Variants in KCNAB1 observed in about 807,000 individuals in gnomAD.
KCNAB1 encodes potassium voltage-gated channel subfamily A regulatory beta subunit 1.
KCNAB1 carries 35 observed loss-of-function variants against 64.6 expected under a neutral mutation model. The ratio of observed to expected loss-of-function variants is 0.54; its 90% CI spans 0.41 to 0.72. KCNAB1 has a LOEUF of 0.72. Among genes scored for constraint, KCNAB1 ranks in the 30% least tolerant of loss-of-function variants. KCNAB1 has a pLI of 0.00. For missense variants in KCNAB1, 401 were observed against 512.9 expected (o/e 0.78, Z 2.11); for synonymous variants, 177 against 183.8 (o/e 0.96, Z 0.30).
At chr3:156,271,071 T>C (rs1719011450) in intron 1 of KCNAB1, among the ~76,000 whole-genome samples, 1 of 152,226 alleles carries the variant, frequency 6.6e-6, no homozygotes, top group African/African-American at 2.4e-5. Flanking sequence ...GGAGCTCCAT[T>C]ATATGTTATT....
intron 1 of KCNAB1, among the ~76,000 whole-genome samples, chr3:156,154,782 G>A (rs1715619796): frequency 6.6e-6 from 1 of 152,136 alleles, no homozygotes; most frequent in African/African-American, 2.4e-5. Flanking sequence ...AGTGCTGCTG[G>A]GACTGGGCAA....
intron 1 of KCNAB1, among the ~76,000 whole-genome samples, chr3:156,146,187 A>G (rs963463169): frequency 9.2e-5 from 14 of 152,356 alleles, no homozygotes; most frequent in African/African-American, 1.9e-4. Context: ...ACATGCATCA[A>G]TTGAAAAGAA....
intron 1 of KCNAB1, among the ~76,000 whole-genome samples, chr3:156,329,131 C>T (rs955364506): frequency 6.6e-6 from 1 of 152,124 alleles, no homozygotes; most frequent in Non-Finnish European, 1.5e-5. Flanking sequence ...CTAATATCTT[C>T]AGGGTGAGTG....
chr3:156,530,257 C>T (rs1383157988), intron 12 of KCNAB1, among the ~76,000 whole-genome samples: 2 of 152,082 alleles, frequency 1.3e-5, no homozygotes, highest in Admixed American at 6.5e-5. Flanking sequence ...GAGATATCTC[C>T]AAGGCAGAGT....
chr3:156,119,818 C>G (rs115570787), upstream of KCNAB1, among the ~76,000 whole-genome samples: 2 of 152,158 alleles, frequency 1.3e-5, no homozygotes, highest in African/African-American at 4.8e-5. Flanking sequence ...AACTAGTTTT[C>G]ATGTACACTG....
intron 1 of KCNAB1, among the ~76,000 whole-genome samples, chr3:156,299,093 G>A (rs1024343241): frequency 6.6e-6 from 1 of 152,250 alleles, no homozygotes; most frequent in African/African-American, 2.4e-5. Context: ...TACCCATGAA[G>A]TTGGGCAGAG....
Position 156,404,213 on chromosome 3 carries a change from C to T in KCNAB1, c.276-17403C>T, listed in dbSNP as rs76673016. Among the ~76,000 whole-genome samples the T allele has an allele frequency of 4.5e-4, 69 of 152,250 alleles. 1 individual carries two copies. The East Asian group carries it at 0.011, about 25-fold the overall frequency. On this transcript the variant is annotated intron_variant, in intron 1 of 13. Transcript: ENST00000490337. ...GAGTGAAGGTCTCAAAGCACAATGA[C>T]TGCATAATAATTTTCTTTTTCACAA...
In KCNAB1 at chr3:156,425,831, A is replaced by G. The variant is rs188700432; in HGVS notation, c.319+4172A>G. Among the ~76,000 whole-genome samples, 224 of 152,318 alleles carry G rather than the reference A, an allele frequency of 1.5e-3. 1 individual carries two copies. Among genetic ancestry groups the G allele is most frequent in the Non-Finnish European group, 2.5e-3 (168 of 68,022 alleles). ...GTAATGGAGAGTACAGGGCAAGTGA[A>G]GCGTGAAGAAGGTCTCCTGGGGGAT... On this transcript the variant is annotated intron_variant, in intron 2 of 13. Transcript: ENST00000490337.
At chr3:156,498,936 C>G (rs1225419279) in intron 8 of KCNAB1, among the ~76,000 whole-genome samples, 2 of 152,202 alleles carry the variant, frequency 1.3e-5, no homozygotes, top group African/African-American at 4.8e-5. Flanking sequence ...AAAATCAAAG[C>G]AATGGCTACC....
chr3:156,428,786 A>G (rs1236289395), intron 2 of KCNAB1, among the ~76,000 whole-genome samples: 2 of 152,182 alleles, frequency 1.3e-5, no homozygotes, highest in Non-Finnish European at 2.9e-5. Flanking sequence ...TCAAGAGGAC[A>G]ATTTATGCAG....
intron 1 of KCNAB1, among the ~76,000 whole-genome samples, chr3:156,370,974 T>G (rs147122163): frequency 6.6e-6 from 1 of 152,316 alleles, no homozygotes; most frequent in Non-Finnish European, 1.5e-5. Context: ...CATCCTTCAT[T>G]TAACCCAAAC....
chr3:156,480,405 C>T (rs1714704310), intron 8 of KCNAB1, among the ~76,000 whole-genome samples: 1 of 151,870 alleles, frequency 6.6e-6, no homozygotes, highest in Admixed American at 6.6e-5. Context: ...GGAGAGAGAG[C>T]ATTAGGATAA....
intron 1 of KCNAB1, among the ~76,000 whole-genome samples, chr3:156,242,019 C>T (rs1717187200): frequency 6.6e-6 from 1 of 152,128 alleles, no homozygotes; most frequent in South Asian, 2.1e-4. Flanking sequence ...CAACACCCTC[C>T]TATTTGGCCT....
At chr3:156,444,632 A>G (rs1717266823) in intron 2 of KCNAB1, among the ~76,000 whole-genome samples, 1 of 152,178 alleles carries the variant, frequency 6.6e-6, no homozygotes, top group Non-Finnish European at 1.5e-5. Flanking sequence ...ATGCCCTTCA[A>G]TTGGTAGAGA....
intron 1 of KCNAB1, among the ~76,000 whole-genome samples, chr3:156,352,059 C>A (rs1173318536): frequency 6.6e-6 from 1 of 152,234 alleles, no homozygotes; most frequent in Non-Finnish European, 1.5e-5. Flanking sequence ...CCCAGGCTTC[C>A]TGCAGCCATT....
intron 1 of KCNAB1, among the ~76,000 whole-genome samples, chr3:156,415,485 C>T (rs763181238): frequency 3.6e-4 from 54 of 152,050 alleles, no homozygotes; most frequent in Non-Finnish European, 6.9e-4. Flanking sequence ...GCTTCCCATC[C>T]GTGACACAAC....
intron 7 of KCNAB1, among the ~76,000 whole-genome samples, chr3:156,469,574 T>G (rs1051011871): frequency 2.6e-5 from 4 of 152,188 alleles, no homozygotes; most frequent in Non-Finnish European, 5.9e-5. Flanking sequence ...CACCTTTAAA[T>G]AAGTCAGGAA....
intron 1 of KCNAB1, among the ~76,000 whole-genome samples, chr3:156,148,260 T>A (rs567540698): frequency 4.2e-4 from 64 of 152,320 alleles, no homozygotes; most frequent in African/African-American, 1.5e-3. Flanking sequence ...CTATATAGGA[T>A]ATAGATTGTT....
intron 8 of KCNAB1, among the ~76,000 whole-genome samples, chr3:156,479,461 C>T (rs1469681727): frequency 1.3e-5 from 2 of 151,966 alleles, no homozygotes; most frequent in Non-Finnish European, 2.9e-5. Flanking sequence ...TCCCAAACAC[C>T]AGGCTAATAT....
Sources: gnomAD v4.1 joint callset for allele counts (sites outside exome capture counted in the v4.1 genomes callset) on GRCh38, gnomAD v4.1.1 for gene constraint, MANE v1.5 for transcripts, NCBI Gene and HGNC (gene_info 2026-07-23, HGNC 2026-07-21) for gene names.